Variants in CSNK1A1L observed in about 807,000 individuals in gnomAD.
CSNK1A1L encodes casein kinase 1 alpha 1 like, also known as casein kinase I isoform alpha-like.
CSNK1A1L carries 20 observed loss-of-function variants against 24.6 expected under a neutral mutation model. That is an observed-to-expected ratio of 0.81 (90% confidence interval 0.57 to 1.18). The LOEUF (loss-of-function observed/expected upper bound fraction) is 1.18. Ranked by LOEUF, CSNK1A1L falls within the 50% of genes most tolerant of loss-of-function variation. The pLI is 0.00. For synonymous variants in CSNK1A1L, 152 were observed against 154.0 expected, an observed-to-expected ratio of 0.99 and a Z score of 0.09; for missense variants, 414 against 419.0, an observed-to-expected ratio of 0.99 and a Z score of 0.10.
Position 37,105,018 on chromosome 13 carries a change from C to A in CSNK1A1L, c.239G>T (p.Gly80Val), listed in dbSNP as rs143150350. The change falls in exon 1 of 1, where the codon GGT becomes GTT. Residue 80 changes from glycine to valine, a missense_variant. Coordinates refer to ENST00000379800, the MANE Select transcript of CSNK1A1L (RefSeq NM_145203.6). ...GVGIPHMHWY[G>V]QEKDNNVLVM... ...TAGCACATTGTTGTCTTTTTCCTGA[C>A]CATACCAGTGCATGTGGGGGATGCC... 3.9e-4 allele frequency: 624 copies of A among 1,614,084 alleles called. 3 individuals carry two copies. Among genetic ancestry groups the A allele is most frequent in the South Asian group, 1.2e-3 (107 of 91,082 alleles).
chr13:37,105,559 T>C lies in CSNK1A1L; in HGVS notation c.-303A>G, dbSNP rs1028970276. 8 of 350,028 alleles carry C rather than the reference T, an allele frequency of 2.3e-5. No individual in the cohort carries two copies. The highest frequency in any genetic ancestry group is 1.3e-4 in the African/African-American group (6 of 47,936). The allele number at this position is 350,028 out of a possible 1,614,324, so 21.7% of individuals were successfully genotyped here. On this transcript the variant is annotated 5_prime_UTR_variant, in exon 1 of 1. Transcript: ENST00000379800. The stretch of plus-strand genomic sequence containing the variant: ...GGGCTGAGAAAGGGGGCACAGCGAG[T>C]TGGGGCAGCAGTACTGCTGCCACCG...
chr13:37,104,355 A>G lies in CSNK1A1L; in HGVS notation c.902T>C (p.Leu301Ser). 1 of 1,614,132 alleles carries G rather than the reference A, an allele frequency of 6.2e-7. No individual in the cohort carries two copies. The highest frequency in any genetic ancestry group is 2.2e-5 in the East Asian group (1 of 44,872). The change falls in exon 1 of 1, where the codon TTA becomes TCA. Residue 301 changes from leucine (L) to serine (S), a missense_variant. Physicochemically the swap from Leu to Ser is moderately radical, Grantham distance 145. Coordinates refer to ENST00000379800, the MANE Select transcript of CSNK1A1L (RefSeq NM_145203.6). The stretch of plus-strand genomic sequence containing the variant: ...TGCCTGCTGTGCTGCTTTCTGCTTT[A>G]ACATCGTCCAATCAAATGTGTAGTC... ...QYDYTFDWTM[L>S]KQKAAQQAAS...
chr13:37,104,313 T>G lies in CSNK1A1L; in HGVS notation c.944A>C (p.Gln315Pro). The G allele has an allele frequency of 6.2e-7, 1 of 1,614,248 alleles. No homozygotes were observed. Among genetic ancestry groups the G allele is most frequent in the Non-Finnish European group, 8.5e-7 (1 of 1,180,044 alleles). ...AAQQAASSSG[Q>P]GQQAQTQTGK... ...TGTCTGGGTTTGGGCCTGCTGACCCTGCCCACTGGAAGAGGCTGCCTGCTG... is the reference window on the plus strand; with the variant it reads ...TGTCTGGGTTTGGGCCTGCTGACCCGGCCCACTGGAAGAGGCTGCCTGCTG... Residue 315 changes from glutamine to proline, a missense_variant, in exon 1 of 1, where the codon CAG becomes CCG. Gln to Pro is a moderately conservative substitution (Grantham distance 76). Coordinates refer to ENST00000379800, the MANE Select transcript of CSNK1A1L (RefSeq NM_145203.6).
chr13:37,104,467 G>A lies in CSNK1A1L; in HGVS notation c.790C>T (p.Arg264Cys). ...AEFAMYLNYC[R>C]GLRFEEVPDY... is the part of the protein sequence containing the mutation. ...GGGACTTCCTCAAAGCGCAGCCCAC[G>A]ACAGTAGTTCAAGTACATGGCGAAT... The change falls in exon 1 of 1, where the codon CGT becomes TGT. Residue 264 changes from arginine (R) to cysteine (C), a missense_variant. Physicochemically the swap from Arg to Cys is radical, Grantham distance 180. Transcript: ENST00000379800. 2.5e-6 allele frequency: 4 copies of A among 1,614,172 alleles called. No homozygotes were observed. The South Asian group carries it at 4.4e-5, about 18-fold the overall frequency.
chr13:37,105,509 T>G lies in CSNK1A1L; in HGVS notation c.-253A>C. On this transcript the variant is annotated 5_prime_UTR_variant, in exon 1 of 1. Transcript: ENST00000379800. The stretch of plus-strand genomic sequence containing the variant: ...CCACCTCTTTCTCGGTGGCGGTCGC[T>G]GCCTCGCTGTCGTGGCGATGTCGTG... 2 of 473,744 alleles carry G rather than the reference T, an allele frequency of 4.2e-6. No homozygotes were observed. The highest frequency in any genetic ancestry group is 3.5e-5 in the East Asian group (1 of 28,280). 29.3% of individuals were successfully genotyped at this position (473,744 alleles called of 1,614,324 possible). A position where few individuals can be genotyped will look rare whatever the true frequency, so the allele number is the denominator to read the frequency against.
rs1228386160 is a variant in CSNK1A1L, at chr13:37,104,959, G to C, written c.298C>G (p.Leu100Val). ...MDLLGPSLEDLFNFCSRRFTM... is the reference protein window; with the variant it reads ...MDLLGPSLEDVFNFCSRRFTM... ...AACCTTCTTGAACAGAAATTAAAGA[G>C]GTCTTCGAGGCTGGGTCCCAGAAGG... The change falls in exon 1 of 1, where the codon CTC becomes GTC. Residue 100 changes from leucine (L) to valine (V), a missense_variant. Physicochemically the swap from Leu to Val is conservative, Grantham distance 32. Transcript: ENST00000379800. 6.2e-7 allele frequency: 1 copy of C among 1,613,984 alleles called. No individual in the cohort carries two copies. The highest frequency in any genetic ancestry group is 1.3e-5 in the African/African-American group (1 of 74,938).
Position 37,105,577 on chromosome 13 carries a change from T to G in CSNK1A1L, c.-321A>C. ...CAGCGAGTTGGGGCAGCAGTACTGCTGCCACCGCTACCAACGGCTGTGGGC... is the reference window on the plus strand; with the variant it reads ...CAGCGAGTTGGGGCAGCAGTACTGCGGCCACCGCTACCAACGGCTGTGGGC... On this transcript the variant is annotated 5_prime_UTR_variant, in exon 1 of 1. Coordinates refer to ENST00000379800, the MANE Select transcript of CSNK1A1L (RefSeq NM_145203.6). 1.1e-5 allele frequency: 3 copies of G among 280,364 alleles called. No homozygotes were observed. The highest frequency in any genetic ancestry group is 1.4e-5 in the Non-Finnish European group (2 of 142,180). The allele number at this position is 280,364 out of a possible 1,614,324, so 17.4% of individuals were successfully genotyped here.
chr13:37,104,529 G>A lies in CSNK1A1L; in HGVS notation c.728C>T (p.Thr243Ile), dbSNP rs368855406. ...CCCCTTACATAAAACTTCAACAGGG[G>A]TGGACATCTTCTTCTCACTAATCTT... ...YEKISEKKMS[T>I]PVEVLCKGFP... The change falls in exon 1 of 1, where the codon ACC (threonine) becomes ATC (isoleucine). Residue 243 changes from threonine to isoleucine, a missense_variant. Physicochemically the swap from Thr to Ile is moderately conservative, Grantham distance 89. Transcript: ENST00000379800. The A allele has an allele frequency of 1.2e-6, 2 of 1,614,058 alleles. No homozygotes were observed. The highest frequency in any genetic ancestry group is 1.3e-5 in the African/African-American group (1 of 74,920).
At position 37,103,690 on chromosome 13, in the gene CSNK1A1L, A is replaced by G. The variant is rs2070760058; in HGVS notation, c.*553T>C. 1 of 155,156 alleles carries G rather than the reference A, an allele frequency of 6.4e-6. No individual in the cohort carries two copies. Among genetic ancestry groups the G allele is most frequent in the Non-Finnish European group, 1.4e-5 (1 of 69,826 alleles). The allele number at this position is 155,156 out of a possible 1,614,324, so 9.6% of individuals were successfully genotyped here. ...CAGGTAAGCAGGCGGAATCTTTCCTATTCTCAAAACTGGAATTTTTGGTTA... is the reference window on the plus strand; with the variant it reads ...CAGGTAAGCAGGCGGAATCTTTCCTGTTCTCAAAACTGGAATTTTTGGTTA... On this transcript the variant is annotated 3_prime_UTR_variant, in exon 1 of 1. Transcript: ENST00000379800.
Position 37,103,537 on chromosome 13 carries a change from G to C in CSNK1A1L, c.*706C>G, listed in dbSNP as rs1276047295. The C allele has an allele frequency of 6.5e-6, 1 of 153,220 alleles. No homozygotes were observed. The highest frequency in any genetic ancestry group is 1.5e-5 in the Non-Finnish European group (1 of 68,568). 9.5% of individuals were successfully genotyped at this position (153,220 alleles called of 1,614,324 possible). A position where few individuals can be genotyped will look rare whatever the true frequency, so the allele number is the denominator to read the frequency against. ...AAGCCATGTACATACATGTTCAGTT[G>C]TAAGATGTTAACTAAATTTCTGTGA... is the stretch of plus-strand genomic sequence containing the variant. On this transcript the variant is annotated 3_prime_UTR_variant, in exon 1 of 1. Transcript: ENST00000379800.
At position 37,105,092 on chromosome 13, in the gene CSNK1A1L, G is replaced by A. The variant is rs761749723; in HGVS notation, c.165C>T (p.Pro55=). 1 of 1,614,112 alleles carries A rather than the reference G, an allele frequency of 6.2e-7. No homozygotes were observed. The highest frequency in any genetic ancestry group is 8.5e-7 in the Non-Finnish European group (1 of 1,180,012). ...VKLESQKVKH[P]QLLYESKLYT... ...AGAGTTTGCTCTCATACAGCAACTG[G>A]GGGTGCTTGACCTTCTGAGATTCCA... Residue 55 remains proline (P), a synonymous_variant, in exon 1 of 1, where the codon CCC becomes CCT. Transcript: ENST00000379800.
Position 37,104,220 on chromosome 13 carries a change from C to T in CSNK1A1L, c.*23G>A, listed in dbSNP as rs746803410. ...AATGCTGCTCGAATCATCTGCTCTG[C>T]TTCTTCTGTTCCTCATTCACGCTTA... is the stretch of plus-strand genomic sequence containing the variant. On this transcript the variant is annotated 3_prime_UTR_variant, in exon 1 of 1. Coordinates refer to ENST00000379800, the MANE Select transcript of CSNK1A1L (RefSeq NM_145203.6). The T allele has an allele frequency of 2.5e-6, 4 of 1,614,074 alleles. No individual in the cohort carries two copies. The Admixed American group carries it at 5.0e-5, about 20-fold the overall frequency.
rs371113641 is a variant in CSNK1A1L, at chr13:37,104,905, C to A, written c.352G>T (p.Asp118Tyr). The A allele has an allele frequency of 3.7e-6, 6 of 1,613,844 alleles. No individual in the cohort carries two copies. In the South Asian group the frequency reaches 6.6e-5, roughly 18 times the overall value. The part of the protein sequence containing the change: ...FTMKTVLMLA[D>Y]QMISRIEYVH... ...TATTCAATTCTGCTGATCATCTGGT[C>A]GGCTAACATAAGTACAGTTTTCATG... The change falls in exon 1 of 1, where the codon GAC becomes TAC. Residue 118 changes from aspartate to tyrosine, a missense_variant. Coordinates refer to ENST00000379800, the MANE Select transcript of CSNK1A1L (RefSeq NM_145203.6).
rs2070769473 is a variant in CSNK1A1L at position 37,105,109 on chromosome 13, G to C, written c.148C>G (p.Gln50Glu). 6.2e-7 allele frequency: 1 copy of C among 1,614,060 alleles called. No homozygotes were observed. The highest frequency in any genetic ancestry group is 1.3e-5 in the African/African-American group (1 of 74,924). ...AGCAACTGGGGGTGCTTGACCTTCT[G>C]AGATTCCAGCTTCACTGCTACGTCC... is the stretch of plus-strand genomic sequence containing the variant. Reference protein sequence around the residue: ...GEDVAVKLESQKVKHPQLLYE... With the variant: ...GEDVAVKLESEKVKHPQLLYE... Residue 50 changes from glutamine (Q) to glutamate (E), a missense_variant, in exon 1 of 1, where the codon CAG becomes GAG. Physicochemically the swap from Gln to Glu is conservative, Grantham distance 29. Transcript: ENST00000379800.
In CSNK1A1L at chr13:37,104,841, G is replaced by T; in HGVS notation, c.416C>A (p.Pro139Gln). 1.2e-6 allele frequency: 2 copies of T among 1,613,810 alleles called. No individual in the cohort carries two copies. The highest frequency in any genetic ancestry group is 2.2e-5 in the South Asian group (2 of 91,066). Reference sequence around the variant, plus strand: ...CCCAGTACCCATCAGGAAGTTATCTGGTTTAATGTCTCGGTGTAGAAAATT... The same window carrying T: ...CCCAGTACCCATCAGGAAGTTATCTTGTTTAATGTCTCGGTGTAGAAAATT... ...TKNFLHRDIKPDNFLMGTGRH... is the reference protein window; with the variant it reads ...TKNFLHRDIKQDNFLMGTGRH... Residue 139 changes from proline (P) to glutamine (Q), a missense_variant, in exon 1 of 1, where the codon CCA becomes CAA. Transcript: ENST00000379800.
In CSNK1A1L at chr13:37,105,016, G is replaced by T. The variant is rs373997159; in HGVS notation, c.241C>A (p.Gln81Lys). 105 of 1,613,954 alleles carry T rather than the reference G, an allele frequency of 6.5e-5. No individual in the cohort carries two copies. Among genetic ancestry groups the T allele is most frequent in the Non-Finnish European group, 8.0e-5 (94 of 1,180,016 alleles). The stretch of plus-strand genomic sequence containing the variant: ...ACTAGCACATTGTTGTCTTTTTCCT[G>T]ACCATACCAGTGCATGTGGGGGATG... ...VGIPHMHWYG[Q>K]EKDNNVLVMD... The change falls in exon 1 of 1, where the codon CAG (glutamine) becomes AAG (lysine). Residue 81 changes from glutamine (Q) to lysine (K), a missense_variant. By Grantham distance (53) the Gln-to-Lys change is moderately conservative (BLOSUM62 1). Transcript: ENST00000379800.
In CSNK1A1L at chr13:37,105,224, G is replaced by A. The variant is rs770066642; in HGVS notation, c.33C>T (p.Leu11=). 1.2e-6 allele frequency: 2 copies of A among 1,614,008 alleles called. No homozygotes were observed. The highest frequency in any genetic ancestry group is 1.7e-5 in the Admixed American group (1 of 60,012). The change falls in exon 1 of 1, where the codon CTC becomes CTT. Residue 11 remains leucine, a synonymous_variant. Transcript: ENST00000379800. MTNNSGSKAE[L]VVGGKYKLVR... Reference sequence around the variant, plus strand: ...CCAGTTTGTATTTCCCTCCCACAACGAGTTCGGCTTTGGAGCCGCTGTTGT... The same window carrying A: ...CCAGTTTGTATTTCCCTCCCACAACAAGTTCGGCTTTGGAGCCGCTGTTGT...
chr13:37,104,996 CA>C, the CSNK1A1L span: 1 of 1,614,106 alleles, frequency 6.2e-7, no homozygotes, highest in South Asian at 1.1e-5. Flanking sequence ...CCATGACTAG[CA>C]CATTGTTGTC....
rs574473728 is a variant in CSNK1A1L at position 37,105,521 on chromosome 13, G to A, written c.-265C>T. On this transcript the variant is annotated 5_prime_UTR_variant, in exon 1 of 1. In the 5' UTR this introduces an upstream ATG that the reference lacks. Coordinates refer to ENST00000379800, the MANE Select transcript of CSNK1A1L (RefSeq NM_145203.6). ...CGGTGGCGGTCGCTGCCTCGCTGTC[G>A]TGGCGATGTCGTGGGCTGAGAAAGG... The A allele has an allele frequency of 1.1e-3, 521 of 464,870 alleles. 1 individual carries two copies. The highest frequency in any genetic ancestry group is 1.7e-3 in the Non-Finnish European group (435 of 254,002). The allele number at this position is 464,870 out of a possible 1,614,324, so 28.8% of individuals were successfully genotyped here.
Sources: allele counts gnomAD v4.1 joint callset, GRCh38; gene constraint gnomAD v4.1.1; transcripts MANE v1.5; gene names NCBI Gene and HGNC (gene_info 2026-07-23, HGNC 2026-07-21).